Variants in XRN1 observed in about 807,000 individuals in gnomAD.
The protein encoded by XRN1 is 5'-3' exoribonuclease 1.
In XRN1, 67 loss-of-function variants were observed where a neutral mutation model predicts 222.3. The ratio of observed to expected loss-of-function variants is 0.30; its 90% CI spans 0.25 to 0.37. XRN1 has a LOEUF of 0.37. Among genes scored for constraint, XRN1 ranks in the 10% least tolerant of loss-of-function variants. The probability of loss-of-function intolerance (pLI) is 1.00; values close to 1 mark genes in which losing one functional copy is unlikely to be tolerated. For missense variants in XRN1, 1,707 were observed against 2,000.2 expected, an observed-to-expected ratio of 0.85 and a Z score of 2.80; for synonymous variants, 643 against 652.4, an observed-to-expected ratio of 0.99 and a Z score of 0.22.
chr3:142,382,401 C>G (rs772552426), intron 22 of XRN1, among the ~76,000 whole-genome samples: 1 of 152,138 alleles, frequency 6.6e-6, no homozygotes, highest in South Asian at 2.1e-4. Flanking sequence ...ACTGTCACTA[C>G]GGAATCATGA....
At chr3:142,319,907 T>C (rs13088266) in intron 37 of XRN1, among the ~76,000 whole-genome samples, 19,499 of 148,776 alleles carry the variant, frequency 0.13, 1,483 homozygotes, top group Middle Eastern at 0.25. Context: ...GGTGTGTGTA[T>C]ACACACACAC....
chr3:142,316,214 C>CTT (rs377522108), intron 39 of XRN1, among the ~76,000 whole-genome samples: 1,699 of 111,760 alleles, frequency 0.015, 51 homozygotes, highest in African/African-American at 0.027. Flanking sequence ...TCATTATCTT[C>CTT]TTTTTTTTTT....
intron 36 of XRN1, among the ~76,000 whole-genome samples, chr3:142,331,760 A>G (rs923045894): frequency 1.1e-4 from 17 of 152,112 alleles, no homozygotes; most frequent in Non-Finnish European, 1.5e-5. Context: ...TATTGGTTAC[A>G]TGGTTGTATT....
chr3:142,395,228 A>C (rs771298472), intron 20 of XRN1, among the ~76,000 whole-genome samples: 24 of 152,206 alleles, frequency 1.6e-4, no homozygotes, highest in Non-Finnish European at 3.1e-4. Context: ...GAGGCATGAA[A>C]GGAAGGGACA....
intron 33 of XRN1, among the ~76,000 whole-genome samples, chr3:142,346,643 G>T (rs1287414344): frequency 1.3e-5 from 2 of 151,886 alleles, no homozygotes; most frequent in African/African-American, 4.8e-5. Flanking sequence ...ACCACACCTG[G>T]CTAATTTTTG....
At chr3:142,378,598 T>C (rs1037106815) in intron 23 of XRN1, among the ~76,000 whole-genome samples, 13 of 151,980 alleles carry the variant, frequency 8.6e-5, no homozygotes, top group Non-Finnish European at 1.8e-4. Flanking sequence ...AGTATAACAA[T>C]ATAGGAAATG....
chr3:142,366,094 A>G (rs1031959799), intron 27 of XRN1, among the ~76,000 whole-genome samples: 1 of 152,196 alleles, frequency 6.6e-6, no homozygotes. Context: ...ACACTTAACT[A>G]CTTTAGGCAT....
Position 142,359,862 on chromosome 3 carries a change from C to A in XRN1, c.3464G>T (p.Arg1155Ile), listed in dbSNP as rs1354236475. The A allele has an allele frequency of 1.9e-6, 3 of 1,596,678 alleles. No individual in the cohort carries two copies. The highest frequency in any genetic ancestry group is 8.6e-7 in the Non-Finnish European group (1 of 1,167,568). ...GCAATTATCATTGGGAAATACAAAC[C>A]TTATTGTTAACCCTCCAGGAAATTC... The part of the protein sequence containing the change: ...DEEFPGGLTI[R>I]CSPGRGYRLP... The change falls in exon 30 of 41, where the codon AGA becomes ATA. Residue 1155 changes from arginine (R) to isoleucine (I), a missense_variant and splice_region_variant. Arg to Ile is a moderately conservative substitution (Grantham distance 97). Coordinates refer to ENST00000392981, the MANE Select transcript of XRN1 (RefSeq NM_001282857.2).
intron 36 of XRN1, among the ~76,000 whole-genome samples, chr3:142,331,612 A>C (rs1291668186): frequency 6.6e-6 from 1 of 152,216 alleles, no homozygotes; most frequent in African/African-American, 2.4e-5. Context: ...TAATGTATTT[A>C]AGTTACATGA....
rs1186881668 is a variant in XRN1, at chr3:142,357,270, G to C, written c.3465-151C>G. On this transcript the variant is annotated intron_variant, in intron 30 of 40. Transcript: ENST00000392981. Reference sequence around the variant, plus strand: ...AGAGGAACCTCAAATCACAGCAATAGCTCAATTTATAAGATGATGTATTTC... The same window carrying C: ...AGAGGAACCTCAAATCACAGCAATACCTCAATTTATAAGATGATGTATTTC... 7 of 708,828 alleles carry C rather than the reference G, an allele frequency of 9.9e-6. No individual in the cohort carries two copies. In the South Asian group the frequency reaches 1.1e-4, roughly 12 times the overall value. 43.9% of individuals were successfully genotyped at this position (708,828 alleles called of 1,614,324 possible).
chr3:142,337,447 G>C (rs1481683078), intron 33 of XRN1, among the ~76,000 whole-genome samples: 8 of 152,130 alleles, frequency 5.3e-5, no homozygotes, highest in African/African-American at 1.4e-4. Flanking sequence ...CCAGCATCTA[G>C]AACAGTGCCT....
At chr3:142,433,694 G>T (rs1174858187) in intron 1 of XRN1, among the ~76,000 whole-genome samples, 1 of 152,102 alleles carries the variant, frequency 6.6e-6, no homozygotes, top group Non-Finnish European at 1.5e-5. Context: ...TAAAACTAAA[G>T]AGTTATATTT....
At chr3:142,352,828 G>A (rs1489342717) in intron 32 of XRN1, among the ~76,000 whole-genome samples, 3 of 152,142 alleles carry the variant, frequency 2.0e-5, no homozygotes, top group African/African-American at 4.8e-5. Flanking sequence ...ATTGTTTGTA[G>A]AGATGGGGTT....
At chr3:142,388,848 T>G (rs1482709778) in intron 20 of XRN1, among the ~76,000 whole-genome samples, 1 of 152,218 alleles carries the variant, frequency 6.6e-6, no homozygotes, top group East Asian at 1.9e-4. Context: ...ATTTCAACAA[T>G]GTTCACAGCA....
intron 20 of XRN1, among the ~76,000 whole-genome samples, chr3:142,387,204 C>G (rs2067536332): frequency 6.6e-6 from 1 of 152,164 alleles, no homozygotes; most frequent in Non-Finnish European, 1.5e-5. Flanking sequence ...CAAAAGAAAT[C>G]AGGCTCAAGA....
At chr3:142,316,670 T>C (rs2065218581) in intron 39 of XRN1, among the ~76,000 whole-genome samples, 1 of 152,228 alleles carries the variant, frequency 6.6e-6, no homozygotes. Flanking sequence ...GGGATTTCCA[T>C]TCATTGTATA....
Position 142,384,761 on chromosome 3 carries a change from C to T in XRN1, c.2340-76G>A, listed in dbSNP as rs567146143. The T allele has an allele frequency of 1.4e-4, 159 of 1,115,520 alleles. No individual in the cohort carries two copies. In the South Asian group the frequency reaches 2.4e-3, roughly 17 times the overall value. 69.1% of individuals were successfully genotyped at this position (1,115,520 alleles called of 1,614,324 possible). A position where few individuals can be genotyped will look rare whatever the true frequency, so the allele number is the denominator to read the frequency against. The stretch of plus-strand genomic sequence containing the variant: ...TTCTAGGACGATAATCGTCAACTAT[C>T]GTAAACTATCAACTCATAATCAAGT... On this transcript the variant is annotated intron_variant, in intron 20 of 40. Transcript: ENST00000392981.
chr3:142,413,996 T>A (rs1403315472), intron 14 of XRN1, 139 bp downstream of exon 14: 1 of 868,330 alleles, frequency 1.2e-6, no homozygotes, highest in African/African-American at 1.7e-5. Flanking sequence ...TCAAGGGACT[T>A]GTTAAAAAAA....
intron 32 of XRN1, 124 bp downstream of exon 32, chr3:142,355,277 G>T: frequency 1.5e-5 from 7 of 479,456 alleles, no homozygotes; most frequent in Non-Finnish European, 1.7e-5. Flanking sequence ...GAAAATTCAT[G>T]ATCAAAATTG....
Sources: allele counts gnomAD v4.1 joint callset (sites outside exome capture counted in the v4.1 genomes callset), GRCh38; gene constraint gnomAD v4.1.1; transcripts MANE v1.5; gene names NCBI Gene and HGNC (gene_info 2026-07-23, HGNC 2026-07-21).